ASIC2: variants seen among roughly 807,000 people sequenced by gnomAD.
ASIC2 encodes the protein acid-sensing ion channel 2.
A neutral mutation model predicts 57.3 loss-of-function variants in ASIC2; 25 were observed. The observed-to-expected ratio is 0.44, with a 90% CI of 0.32 to 0.61. The LOEUF (loss-of-function observed/expected upper bound fraction) is 0.61. Among genes scored for constraint, ASIC2 ranks in the 20% least tolerant of loss-of-function variants. The pLI is 0.06. For synonymous variants in ASIC2, 319 were observed against 307.5 expected, an observed-to-expected ratio of 1.04 and a Z score of -0.39; for missense variants, 641 against 738.1, an observed-to-expected ratio of 0.87 and a Z score of 1.52.
intron 1 of ASIC2, among the ~76,000 whole-genome samples, chr17:33,579,621 T>C (rs954033150): frequency 3.3e-5 from 5 of 152,170 alleles, no homozygotes; most frequent in African/African-American, 9.7e-5. Context: ...TTCCTTCAGG[T>C]GTTCAGCTGC....
intron 1 of ASIC2, among the ~76,000 whole-genome samples, chr17:33,993,692 A>G (rs1390579752): frequency 6.6e-6 from 1 of 152,126 alleles, no homozygotes; most frequent in Non-Finnish European, 1.5e-5. Context: ...ATACATCTGG[A>G]TGTGTTTGGT....
chr17:33,132,581 G>A (rs1162522762), intron 1 of ASIC2, among the ~76,000 whole-genome samples: 1 of 152,162 alleles, frequency 6.6e-6, no homozygotes, highest in Non-Finnish European at 1.5e-5. Flanking sequence ...ACACATGCAT[G>A]CACGTACATA....
At chr17:34,109,025 T>C (rs1323358657) in intron 1 of ASIC2, among the ~76,000 whole-genome samples, 1 of 77,190 alleles carries the variant, frequency 1.3e-5, no homozygotes, top group African/African-American at 3.5e-5. Flanking sequence ...TTTTTTTATT[T>C]GTTGATTTAT....
At chr17:33,888,221 C>T (rs989615949) in intron 1 of ASIC2, among the ~76,000 whole-genome samples, 1 of 152,084 alleles carries the variant, frequency 6.6e-6, no homozygotes, top group Non-Finnish European at 1.5e-5. Context: ...CCTAACCCAG[C>T]TTATTGGGGA....
chr17:33,894,678 A>G (rs1915048308), intron 1 of ASIC2, among the ~76,000 whole-genome samples: 1 of 152,166 alleles, frequency 6.6e-6, no homozygotes, highest in Non-Finnish European at 1.5e-5. Context: ...TGGGGTGGAT[A>G]ATCCATTGGT....
intron 1 of ASIC2, among the ~76,000 whole-genome samples, chr17:33,203,795 C>T (rs1330222380): frequency 1.3e-5 from 2 of 152,320 alleles, no homozygotes; most frequent in South Asian, 2.1e-4. Context: ...TGGCTTGCCA[C>T]TCTCTCTCTG....
At chr17:33,587,052 A>G (rs1904662690) in intron 1 of ASIC2, among the ~76,000 whole-genome samples, 1 of 152,200 alleles carries the variant, frequency 6.6e-6, no homozygotes, top group African/African-American at 2.4e-5. Context: ...TGGCTCATGA[A>G]CCAAATCCAG....
At chr17:33,680,220 G>A (rs1271443599) in intron 1 of ASIC2, among the ~76,000 whole-genome samples, 3 of 152,108 alleles carry the variant, frequency 2.0e-5, no homozygotes, top group African/African-American at 7.2e-5. Flanking sequence ...CCCATGGGAG[G>A]GAGGTGACTG....
chr17:33,151,093 C>T (rs1212463908), intron 1 of ASIC2, among the ~76,000 whole-genome samples: 1 of 151,318 alleles, frequency 6.6e-6, no homozygotes, highest in Non-Finnish European at 1.5e-5. Context: ...CTTTGGGAGG[C>T]TGACGGATGG....
chr17:33,192,446 A>G (rs3963421), intron 1 of ASIC2, among the ~76,000 whole-genome samples: 1 of 138,306 alleles, frequency 7.2e-6, no homozygotes, highest in East Asian at 2.1e-4. Context: ...AAACAAAACA[A>G]AACAAAACAC....
intron 1 of ASIC2, among the ~76,000 whole-genome samples, chr17:34,067,831 C>A (rs528006205): frequency 1.3e-5 from 2 of 152,162 alleles, no homozygotes; most frequent in African/African-American, 4.8e-5. Context: ...CAAATTTTTA[C>A]CAGAATGGGA....
At chr17:33,211,681 C>T (rs1334842385) in intron 1 of ASIC2, among the ~76,000 whole-genome samples, 1 of 152,170 alleles carries the variant, frequency 6.6e-6, no homozygotes, top group Admixed American at 6.5e-5. Context: ...CACCACAGAT[C>T]AGCAGTTTGC....
chr17:33,536,327 T>C (rs932621034), intron 1 of ASIC2, among the ~76,000 whole-genome samples: 1 of 152,202 alleles, frequency 6.6e-6, no homozygotes, highest in Non-Finnish European at 1.5e-5. Flanking sequence ...AAAAATAAAT[T>C]CAGTGGGTGC....
intron 1 of ASIC2, among the ~76,000 whole-genome samples, chr17:33,422,152 A>G (rs1398144739): frequency 6.6e-6 from 1 of 152,196 alleles, no homozygotes; most frequent in Non-Finnish European, 1.5e-5. Flanking sequence ...CTGCTTCTGT[A>G]GGCATGCCAT....
intron 1 of ASIC2, among the ~76,000 whole-genome samples, chr17:33,673,824 G>T (rs1328972168): frequency 2.0e-5 from 3 of 152,008 alleles, no homozygotes; most frequent in Non-Finnish European, 4.4e-5. Context: ...GCTTTGTAAA[G>T]ATGTGGGCAA....
At chr17:34,020,003 T>A (rs1907100277) in intron 1 of ASIC2, among the ~76,000 whole-genome samples, 1 of 152,136 alleles carries the variant, frequency 6.6e-6, no homozygotes, top group South Asian at 2.1e-4. Context: ...AGGCCTAGAC[T>A]CCGGAAGCAT....
chr17:33,731,343 A>G (rs541798626), intron 1 of ASIC2, among the ~76,000 whole-genome samples: 11 of 152,302 alleles, frequency 7.2e-5, no homozygotes, highest in African/African-American at 2.6e-4. Context: ...AGGTCAGAAC[A>G]TCATTTGGAG....
chr17:33,047,096 T>C lies in ASIC2; in HGVS notation c.988-18704A>G, dbSNP rs549270219. ...AGCAGTTGCCATAAAATTCATCTTT[T>C]ATTGTCCTCTTCCTGGATCTTTTCA... On this transcript the variant is annotated intron_variant, in intron 3 of 9. Transcript: ENST00000225823. 2.0e-5 allele frequency among the ~76,000 whole-genome samples: 3 copies of C among 152,350 alleles called. No homozygotes were observed. The South Asian group carries it at 6.2e-4, about 32-fold the overall frequency.
intron 1 of ASIC2, among the ~76,000 whole-genome samples, chr17:33,158,795 G>C (rs1905083131): frequency 6.6e-6 from 1 of 152,216 alleles, no homozygotes; most frequent in African/African-American, 2.4e-5. Context: ...CCAGATGCCT[G>C]CAGAGAGCTT....
Sources: gnomAD v4.1 joint callset for allele counts (sites outside exome capture counted in the v4.1 genomes callset) on GRCh38, gnomAD v4.1.1 for gene constraint, MANE v1.5 for transcripts, NCBI Gene and HGNC (gene_info 2026-07-23, HGNC 2026-07-21) for gene names.